Variants in RANBP2 observed in about 807,000 individuals in gnomAD.
RANBP2 encodes the protein RAN binding protein 2.
RANBP2 carries 57 observed loss-of-function variants against 303.6 expected under a neutral mutation model. The observed-to-expected ratio is 0.19, with a 90% confidence interval of 0.15 to 0.23. RANBP2 has a LOEUF of 0.23. Among genes scored for constraint, RANBP2 ranks in the 10% least tolerant of loss-of-function variants. RANBP2 has a pLI of 1.00. For synonymous variants in RANBP2, 1,167 were observed against 1,301.5 expected (o/e 0.90, Z 2.23); for missense variants, 3,138 against 3,780.8 (o/e 0.83, Z 4.46).
At chr2:108,823,997 G>A in the RANBP2 span, among the ~76,000 whole-genome samples, 5 of 134,358 alleles carry the variant, frequency 3.7e-5, no homozygotes, top group Admixed American at 2.2e-4. Context: ...AGGGAGGGGT[G>A]GGGGGTACAC....
Position 108,719,564 on chromosome 2 carries a change from G to A in RANBP2, c.-43G>A, listed in dbSNP as rs1313535318. The A allele has an allele frequency of 6.3e-7, 1 of 1,580,536 alleles. No individual in the cohort carries two copies. Among genetic ancestry groups the A allele is most frequent in the Non-Finnish European group, 8.6e-7 (1 of 1,165,158 alleles). The stretch of plus-strand genomic sequence containing the variant: ...TGGAAGTGGCGACTGCTGCGGGCCT[G>A]AGCGCTGGTCTCACGCGCCTCGGGA... On this transcript the variant is annotated 5_prime_UTR_variant, in exon 1 of 29. Transcript: ENST00000283195.
chr2:108,734,976 A>G (rs1695456733), intron 4 of RANBP2, among the ~76,000 whole-genome samples: 1 of 152,150 alleles, frequency 6.6e-6, no homozygotes, highest in East Asian at 1.9e-4. Flanking sequence ...AGCATCGCAA[A>G]TGAGAAGTGA....
At chr2:108,736,066 A>G in intron 5 of RANBP2, 38 bp from the exon 6 acceptor site, 3 of 1,611,732 alleles carry the variant, frequency 1.9e-6, no homozygotes, top group East Asian at 4.5e-5. Flanking sequence ...TTAACATTTG[A>G]TTAAGTTTTG....
the RANBP2 span, among the ~76,000 whole-genome samples, chr2:109,609,412 C>T: frequency 1.3e-5 from 2 of 151,892 alleles, no homozygotes; most frequent in African/African-American, 4.8e-5. Context: ...TTACTTGATG[C>T]AAAAGGTTAA....
At chr2:109,620,710 TAGAA>T in the RANBP2 span, among the ~76,000 whole-genome samples, 55 of 151,542 alleles carry the variant, frequency 3.6e-4, no homozygotes, top group Admixed American at 1.3e-3. Context: ...AAAAAAAAAA[TAGAA>T]AGAAAGAAAG....
the RANBP2 span, among the ~76,000 whole-genome samples, chr2:108,989,817 G>T: frequency 2.6e-5 from 4 of 151,534 alleles, no homozygotes; most frequent in South Asian, 6.3e-4. Context: ...TAAATGATTG[G>T]GGGGGGGAAA....
the RANBP2 span, among the ~76,000 whole-genome samples, chr2:109,054,489 G>A: frequency 6.6e-6 from 1 of 152,068 alleles, no homozygotes; most frequent in Non-Finnish European, 1.5e-5. Flanking sequence ...GGCAGATCAC[G>A]AGGTCAAGAG....
At chr2:109,391,073 C>T in the RANBP2 span, among the ~76,000 whole-genome samples, 60 of 152,320 alleles carry the variant, frequency 3.9e-4, no homozygotes, top group African/African-American at 1.4e-3. Flanking sequence ...GGGTTTTGTC[C>T]AGTCCATAAG....
At chr2:109,507,895 C>T in the RANBP2 span, among the ~76,000 whole-genome samples, 1 of 152,216 alleles carries the variant, frequency 6.6e-6, no homozygotes, top group Non-Finnish European at 1.5e-5. Flanking sequence ...TGTGGGATAT[C>T]TTGCAATGTG....
At chr2:108,772,744 T>C (rs1677596379) in intron 22 of RANBP2, 124 bp from the exon 23 acceptor site, 1 of 1,232,038 alleles carries the variant, frequency 8.1e-7, no homozygotes, top group Admixed American at 2.4e-5. Flanking sequence ...GGGTGGTCCT[T>C]GTTTTTCATT....
chr2:109,690,261 A>G, the RANBP2 span, among the ~76,000 whole-genome samples: 2 of 152,216 alleles, frequency 1.3e-5, no homozygotes, highest in Non-Finnish European at 2.9e-5. Flanking sequence ...TAACATATGT[A>G]AGATGAACGT....
chr2:109,169,696 C>A, the RANBP2 span, among the ~76,000 whole-genome samples: 125 of 151,816 alleles, frequency 8.2e-4, 2 homozygotes, highest in East Asian at 0.02. Context: ...TTGGCTATAT[C>A]TCTCTCTCTA....
At chr2:109,521,061 CA>C in the RANBP2 span, among the ~76,000 whole-genome samples, 1 of 143,262 alleles carries the variant, frequency 7.0e-6, no homozygotes, top group African/African-American at 2.6e-5. Context: ...ACTAAAAATA[CA>C]AAAAATTAGC....
At chr2:108,975,897 G>A in the RANBP2 span, among the ~76,000 whole-genome samples, 1 of 152,166 alleles carries the variant, frequency 6.6e-6, no homozygotes, top group South Asian at 2.1e-4. Context: ...AAAGAGGAGG[G>A]TGACTGAATC....
the RANBP2 span, chr2:109,449,411 A>G: frequency 1.2e-6 from 2 of 1,613,594 alleles, no homozygotes; most frequent in Non-Finnish European, 8.5e-7. Context: ...GGGAGGCTGG[A>G]GGGGGGCCCA....
At chr2:109,004,787 C>A in the RANBP2 span, among the ~76,000 whole-genome samples, 2 of 152,160 alleles carry the variant, frequency 1.3e-5, no homozygotes, top group Non-Finnish European at 2.9e-5. Flanking sequence ...ATCTGCGGAG[C>A]CTATCACTGC....
the RANBP2 span, among the ~76,000 whole-genome samples, chr2:109,311,659 A>G: frequency 2.0e-5 from 3 of 152,198 alleles, no homozygotes; most frequent in Non-Finnish European, 4.4e-5. Flanking sequence ...TGAGCACTTG[A>G]GAGGAGACCC....
chr2:108,967,576 G>A, the RANBP2 span, among the ~76,000 whole-genome samples: 2 of 152,086 alleles, frequency 1.3e-5, no homozygotes, highest in African/African-American at 2.4e-5. Flanking sequence ...CTGCCAAGAC[G>A]GGGTGGCTAT....
At chr2:109,264,406 GC>G in the RANBP2 span, among the ~76,000 whole-genome samples, 2 of 151,070 alleles carry the variant, frequency 1.3e-5, no homozygotes, top group African/African-American at 2.4e-5. Flanking sequence ...GTCTGTGGGT[GC>G]CCCCCATCCA....
Sources: allele counts gnomAD v4.1 joint callset (sites outside exome capture counted in the v4.1 genomes callset), GRCh38; gene constraint gnomAD v4.1.1; transcripts MANE v1.5; gene names NCBI Gene and HGNC (gene_info 2026-07-23, HGNC 2026-07-21).